UBR4: variants seen among roughly 807,000 people sequenced by gnomAD.
UBR4 encodes the protein E3 ubiquitin-protein ligase UBR4.
Under a neutral mutation model 575.6 loss-of-function variants are expected in UBR4, and 124 were observed. The observed-to-expected ratio is 0.22, with a 90% CI of 0.19 to 0.25. The LOEUF is 0.25. Ranked by LOEUF, UBR4 falls within the 10% of genes least tolerant of loss-of-function variation. The pLI is 1.00. For synonymous variants in UBR4, 2,455 were observed against 2,473.7 expected (o/e 0.99, Z 0.22); for missense variants, 4,818 against 6,478.8 (o/e 0.74, Z 8.80).
chr1:19,173,307 C>T lies in UBR4; in HGVS notation c.3166-1G>A. On this transcript the variant is annotated splice_acceptor_variant, in intron 23 of 105. Coordinates refer to ENST00000375254, the MANE Select transcript of UBR4 (RefSeq NM_020765.3). LOFTEE classifies it high-confidence loss of function. ...TCATTCCCTGTTTGATAAGGTGATC[C>T]TATTTGGACAGCAAGAAAAAGTGTT... 6.2e-7 allele frequency: 1 copy of T among 1,613,958 alleles called. No homozygotes were observed. Among genetic ancestry groups the T allele is most frequent in the Non-Finnish European group, 8.5e-7 (1 of 1,179,974 alleles).
rs1225292652 is a variant in UBR4, at chr1:19,164,882, T to C, written c.4428A>G (p.Pro1476=). ...AWLTRMTTSP[P]KDSDQLDVIQ... ...TTACATCCAGCTGATCAGAATCTTT[T>C]GGGGGCGATGTAGTCATGCGGGTGA... The change falls in exon 32 of 106, where the codon CCA becomes CCG. Residue 1476 remains proline, a synonymous_variant. Coordinates refer to ENST00000375254, the MANE Select transcript of UBR4 (RefSeq NM_020765.3). 16 of 1,614,024 alleles carry C rather than the reference T, an allele frequency of 9.9e-6. No homozygotes were observed. Among genetic ancestry groups the C allele is most frequent in the Non-Finnish European group, 1.4e-5 (16 of 1,180,024 alleles).
chr1:19,151,302 G>A (rs1374584815), intron 48 of UBR4: 2 of 398,164 alleles, frequency 5.0e-6, no homozygotes, highest in Non-Finnish European at 4.6e-6. Context: ...GTGACCTGAG[G>A]TCTTCCTCTG....
rs2087934918 is a variant in UBR4 at position 19,164,429 on chromosome 1, T to C, written c.4524A>G (p.Glu1508=). The change falls in exon 33 of 106, where the codon GAA becomes GAG. Residue 1508 remains glutamate, a synonymous_variant. Coordinates refer to ENST00000375254, the MANE Select transcript of UBR4 (RefSeq NM_020765.3). The part of the protein sequence containing the change: ...YIVRENSQVG[E]GVCAVLLGTL... ...TGCCCAGAAGAACAGCACACACACCTTCCCCAACTTGGCTAGGAGAAAAGA... is the reference window on the plus strand; with the variant it reads ...TGCCCAGAAGAACAGCACACACACCCTCCCCAACTTGGCTAGGAGAAAAGA... 6.2e-7 allele frequency: 1 copy of C among 1,613,544 alleles called. No homozygotes were observed. The highest frequency in any genetic ancestry group is 1.3e-5 in the African/African-American group (1 of 75,040).
intron 9 of UBR4, 117 bp from the exon 10 acceptor site, chr1:19,192,657 C>T: frequency 1.9e-6 from 2 of 1,064,170 alleles, no homozygotes; most frequent in Non-Finnish European, 2.8e-6. Context: ...TTCAATGATA[C>T]ATTCCATCGT....
At chr1:19,075,721 T>C (rs2075865932) in intron 105 of UBR4, among the ~76,000 whole-genome samples, 1 of 152,240 alleles carries the variant, frequency 6.6e-6, no homozygotes, top group South Asian at 2.1e-4. Flanking sequence ...CAGCTGGCTC[T>C]GAGCTGGGAA....
chr1:19,145,110 T>C (rs1414497596), intron 53 of UBR4, among the ~76,000 whole-genome samples: 1 of 152,212 alleles, frequency 6.6e-6, no homozygotes, highest in Admixed American at 6.5e-5. Context: ...AACTCCCAAA[T>C]TGTCCTCAAA....
At chr1:19,092,162 C>A (rs183109247) in intron 97 of UBR4, among the ~76,000 whole-genome samples, 103 of 152,146 alleles carry the variant, frequency 6.8e-4, no homozygotes, top group Middle Eastern at 3.4e-3. Flanking sequence ...TGCTGATGAA[C>A]CTGCCCTGCG....
At chr1:19,094,167 C>T in intron 94 of UBR4, 28 bp from the exon 95 acceptor site, 1 of 1,587,526 alleles carries the variant, frequency 6.3e-7, no homozygotes, top group Non-Finnish European at 8.6e-7. Flanking sequence ...GTGAACATGC[C>T]ATTAATGCAG....
rs909154035 is a variant in UBR4, at chr1:19,100,699, G to A, written c.13024-126C>T. On this transcript the variant is annotated intron_variant, in intron 88 of 105. Coordinates refer to ENST00000375254, the MANE Select transcript of UBR4 (RefSeq NM_020765.3). This position sits in a 1 kb window ranked among gnomAD's most constrained non-coding sequence, Gnocchi z 4.2. Reference sequence around the variant, plus strand: ...TCAGCAAGCCCCCCAAACATTTAAAGATACAAAGGACAGGAAACTCAGAGG... The same window carrying A: ...TCAGCAAGCCCCCCAAACATTTAAAAATACAAAGGACAGGAAACTCAGAGG... The A allele has an allele frequency of 1.0e-5, 9 of 877,678 alleles. No individual in the cohort carries two copies. The highest frequency in any genetic ancestry group is 3.4e-5 in the African/African-American group (2 of 59,036). The allele number at this position is 877,678 out of a possible 1,614,324, so 54.4% of individuals were successfully genotyped here.
At position 19,198,689 on chromosome 1, in the gene UBR4, T is replaced by C. The variant is rs751881935; in HGVS notation, c.509-9A>G. 3.1e-6 allele frequency: 5 copies of C among 1,612,888 alleles called. No homozygotes were observed. In the African/African-American group the frequency reaches 4.0e-5, roughly 13 times the overall value. ...CTCTTTCTGATCTTCCACTGTAAAA[T>C]ACAAAGGCAAAAAAAAGGGCTGAGG... On this transcript the variant is annotated splice_polypyrimidine_tract_variant and intron_variant, in intron 4 of 105. Transcript: ENST00000375254.
At chr1:19,113,242 T>C (rs1425583697) in intron 77 of UBR4, 6 of 265,540 alleles carry the variant, frequency 2.3e-5, no homozygotes, top group Non-Finnish European at 3.6e-5. Flanking sequence ...CCTCTGTCTA[T>C]GGCCAGCCTC....
intron 33 of UBR4, 85 bp from the exon 34 acceptor site, chr1:19,163,912 G>T: frequency 1.4e-6 from 2 of 1,390,698 alleles, no homozygotes; most frequent in Non-Finnish European, 2.0e-6. Context: ...CATTAACTTT[G>T]AATCAATCTG....
At chr1:19,103,925 G>A (rs1005616729) in intron 87 of UBR4, among the ~76,000 whole-genome samples, 159 bp downstream of exon 87, 4 of 152,210 alleles carry the variant, frequency 2.6e-5, no homozygotes, top group African/African-American at 9.6e-5. Flanking sequence ...AAAATTCCAA[G>A]AGCCAACACT....
In UBR4 at chr1:19,173,632, G is replaced by A. The variant is rs1305914428; in HGVS notation, c.2983-11C>T. Reference sequence around the variant, plus strand: ...AAGGGCACAGGCCTCCTGGAGAAAGGAAAAGCAGCATAGAGGTAGCACTTG... The same window carrying A: ...AAGGGCACAGGCCTCCTGGAGAAAGAAAAAGCAGCATAGAGGTAGCACTTG... On this transcript the variant is annotated splice_polypyrimidine_tract_variant and intron_variant, in intron 22 of 105. Transcript: ENST00000375254. 2 of 1,613,612 alleles carry A rather than the reference G, an allele frequency of 1.2e-6. No homozygotes were observed. Among genetic ancestry groups the A allele is most frequent in the Non-Finnish European group, 1.7e-6 (2 of 1,179,802 alleles).
intron 60 of UBR4, among the ~76,000 whole-genome samples, chr1:19,136,599 GAACA>G (rs1292035930): frequency 1.3e-5 from 2 of 152,068 alleles, no homozygotes; most frequent in African/African-American, 4.8e-5. Context: ...GACACACATA[GAACA>G]AATAAGAAGC....
intron 27 of UBR4, 108 bp downstream of exon 27, chr1:19,169,327 A>G (rs2089121663): frequency 2.3e-6 from 2 of 854,454 alleles, no homozygotes. Context: ...ACTGCAGTAT[A>G]TGAAGATATC....
At chr1:19,206,655 GA>G (rs1481684920) in intron 1 of UBR4, among the ~76,000 whole-genome samples, 1 of 151,938 alleles carries the variant, frequency 6.6e-6, no homozygotes, top group Non-Finnish European at 1.5e-5. Flanking sequence ...TCTTAAAAAA[GA>G]AAAAATATTT....
chr1:19,162,737 G>T, intron 34 of UBR4, 126 bp from the exon 35 acceptor site: 1 of 1,195,728 alleles, frequency 8.4e-7, no homozygotes, highest in Non-Finnish European at 1.1e-6. Context: ...AAGAAAAACA[G>T]TGTGTTTTTA....
At chr1:19,116,493 G>C (rs2080545143) in intron 73 of UBR4, among the ~76,000 whole-genome samples, 1 of 152,044 alleles carries the variant, frequency 6.6e-6, no homozygotes, top group African/African-American at 2.4e-5. Flanking sequence ...TGTTGCTGTG[G>C]TACATGAGCC....
Sources: gnomAD v4.1 joint callset for allele counts (sites outside exome capture counted in the v4.1 genomes callset) on GRCh38, gnomAD v4.1.1 for gene constraint, Gnocchi (gnomAD v3.1) non-coding constraint, MANE v1.5 for transcripts, NCBI Gene and HGNC (gene_info 2026-07-23, HGNC 2026-07-21) for gene names.